PCDH9: variants seen among roughly 807,000 people sequenced by gnomAD.
PCDH9 encodes protocadherin 9, also known as protocadherin-9.
A neutral mutation model predicts 70.6 loss-of-function variants in PCDH9; 24 were observed. The ratio of observed to expected loss-of-function variants is 0.34; its 90% confidence interval spans 0.25 to 0.48. The LOEUF (loss-of-function observed/expected upper bound fraction) is 0.48. Ranked by LOEUF, PCDH9 falls within the 20% of genes least tolerant of loss-of-function variation. The pLI is 0.99. For missense variants in PCDH9, 1,281 were observed against 1,503.6 expected, an observed-to-expected ratio of 0.85 and a Z score of 2.45; for synonymous variants, 562 against 558.5, an observed-to-expected ratio of 1.01 and a Z score of -0.09.
chr13:66,329,528 G>A (rs987800668), intron 4 of PCDH9, among the ~76,000 whole-genome samples: 11 of 152,108 alleles, frequency 7.2e-5, no homozygotes, highest in Admixed American at 7.2e-4. Context: ...TTTTCCTTGA[G>A]AGAGTATAGC....
chr13:67,105,439 A>C (rs548695000), intron 2 of PCDH9, among the ~76,000 whole-genome samples: 1 of 152,250 alleles, frequency 6.6e-6, no homozygotes, highest in East Asian at 1.9e-4. Context: ...CTGGAAAAGA[A>C]GGGGTTATTC....
At chr13:66,469,631 G>A in intron 4 of PCDH9, among the ~76,000 whole-genome samples, 1 of 151,980 alleles carries the variant, frequency 6.6e-6, no homozygotes, top group South Asian at 2.1e-4. Flanking sequence ...GCCACAGCGT[G>A]TTTTAATTAT....
intron 4 of PCDH9, among the ~76,000 whole-genome samples, chr13:66,589,042 T>A (rs996636334): frequency 6.6e-6 from 1 of 152,090 alleles, no homozygotes; most frequent in Non-Finnish European, 1.5e-5. Context: ...CCCTTTTACC[T>A]AAGCCAAAAT....
At chr13:66,829,554 G>C (rs887712398) in intron 3 of PCDH9, among the ~76,000 whole-genome samples, 1 of 151,100 alleles carries the variant, frequency 6.6e-6, no homozygotes, top group Admixed American at 6.6e-5. Context: ...ACTGAAAAGG[G>C]TGAATTTTAC....
At chr13:66,662,247 C>T (rs552787803) in intron 3 of PCDH9, among the ~76,000 whole-genome samples, 6 of 151,888 alleles carry the variant, frequency 4.0e-5, no homozygotes, top group South Asian at 4.2e-4. Context: ...CTGAGGCGGG[C>T]GGATCACCTA....
At chr13:66,488,525 G>A (rs908985634) in intron 4 of PCDH9, among the ~76,000 whole-genome samples, 2 of 151,974 alleles carry the variant, frequency 1.3e-5, no homozygotes, top group African/African-American at 4.8e-5. Context: ...TAATTATGTG[G>A]CACAAGTATA....
At chr13:66,399,957 T>C (rs1456958100) in intron 4 of PCDH9, among the ~76,000 whole-genome samples, 1 of 151,566 alleles carries the variant, frequency 6.6e-6, no homozygotes, top group Non-Finnish European at 1.5e-5. Context: ...TTTGATTTTC[T>C]GACTTTCCAA....
At chr13:66,713,883 C>A (rs1480697521) in intron 3 of PCDH9, among the ~76,000 whole-genome samples, 2 of 151,828 alleles carry the variant, frequency 1.3e-5, no homozygotes, top group East Asian at 3.9e-4. Flanking sequence ...CCCTCATATC[C>A]CACCACATCT....
At chr13:66,397,466 A>G (rs199679033) in intron 4 of PCDH9, among the ~76,000 whole-genome samples, 66 of 41,194 alleles carry the variant, frequency 1.6e-3, no homozygotes, top group African/African-American at 2.9e-3. Flanking sequence ...GTATATATAT[A>G]TGTGTGTGTG....
chr13:66,640,530 G>GACACACAC (rs10579281), intron 3 of PCDH9, among the ~76,000 whole-genome samples: 60 of 149,384 alleles, frequency 4.0e-4, no homozygotes, highest in East Asian at 1.4e-3. Context: ...CCCATGCAAA[G>GACACACAC]ACACACACAC....
intron 3 of PCDH9, among the ~76,000 whole-genome samples, chr13:66,791,558 G>T (rs1439424564): frequency 6.6e-6 from 1 of 152,038 alleles, no homozygotes; most frequent in Non-Finnish European, 1.5e-5. Flanking sequence ...GCCAATGAAA[G>T]TAATGGTATA....
At chr13:66,574,099 C>T (rs2076777115) in intron 4 of PCDH9, among the ~76,000 whole-genome samples, 6 of 152,178 alleles carry the variant, frequency 3.9e-5, no homozygotes, top group Admixed American at 2.0e-4. Context: ...GGCAAAGCTG[C>T]AAACCATTAC....
chr13:67,101,083 G>A (rs2086423577), intron 2 of PCDH9, among the ~76,000 whole-genome samples: 1 of 152,138 alleles, frequency 6.6e-6, no homozygotes, highest in East Asian at 1.9e-4. Flanking sequence ...AATCTTTTGA[G>A]CTCCTCAGAG....
chr13:67,065,188 A>G (rs2085622598), intron 2 of PCDH9, among the ~76,000 whole-genome samples: 1 of 152,120 alleles, frequency 6.6e-6, no homozygotes, highest in Admixed American at 6.6e-5. Flanking sequence ...CTTTTATTGC[A>G]AGCCCACTAA....
chr13:67,051,347 T>C (rs2085317955), intron 2 of PCDH9, among the ~76,000 whole-genome samples: 2 of 148,864 alleles, frequency 1.3e-5, no homozygotes, highest in African/African-American at 4.9e-5. Context: ...GAAGTAAGAA[T>C]TCAAAAAAGC....
At chr13:67,019,188 C>CTTTTTT (rs60154161) in intron 2 of PCDH9, among the ~76,000 whole-genome samples, 16 of 102,724 alleles carry the variant, frequency 1.6e-4, no homozygotes, top group African/African-American at 4.0e-4. Context: ...GGCAGTTGCT[C>CTTTTTT]TTTTTTTTTT....
chr13:67,127,821 A>G (rs2087017652), intron 2 of PCDH9, among the ~76,000 whole-genome samples: 1 of 151,914 alleles, frequency 6.6e-6, no homozygotes, highest in Non-Finnish European at 1.5e-5. Context: ...CAAGGGAGTC[A>G]GTACTGGAGA....
At chr13:67,116,252 A>G (rs1261717754) in intron 2 of PCDH9, among the ~76,000 whole-genome samples, 1 of 152,154 alleles carries the variant, frequency 6.6e-6, no homozygotes. Flanking sequence ...GCCACACAGA[A>G]TCAGGGAAAA....
chr13:66,678,512 T>C (rs1011125565), intron 3 of PCDH9, among the ~76,000 whole-genome samples: 3 of 152,006 alleles, frequency 2.0e-5, no homozygotes, highest in African/African-American at 7.2e-5. Flanking sequence ...ATAGTATGTA[T>C]TATCTTATAC....
Sources: allele counts gnomAD v4.1 joint callset (sites outside exome capture counted in the v4.1 genomes callset), GRCh38; gene constraint gnomAD v4.1.1; transcripts MANE v1.5; gene names NCBI Gene and HGNC (gene_info 2026-07-23, HGNC 2026-07-21).